The following EPDR1 variants were observed in gnomAD, a reference collection of about 807,000 sequenced individuals.
The protein encoded by EPDR1 is mammalian ependymin-related protein 1.
In EPDR1, 27 loss-of-function variants were observed where a neutral mutation model predicts 23.7. The ratio of observed to expected loss-of-function variants is 1.14; its 90% CI spans 0.84 to 1.57. The LOEUF is 1.57. Ranked by LOEUF, EPDR1 falls within the 40% of genes most tolerant of loss-of-function variation. The pLI, the probability that EPDR1 is intolerant of heterozygous loss-of-function variation, is 0.00. For synonymous variants in EPDR1, 137 were observed against 118.2 expected (o/e 1.16, Z -1.03); for missense variants, 349 against 290.4 (o/e 1.20, Z -1.47).
chr7:37,933,892 A>T lies in EPDR1; in HGVS notation c.269+12684A>T, dbSNP rs191484641. On this transcript the variant is annotated intron_variant, in intron 1 of 2. Coordinates refer to ENST00000199448, the MANE Select transcript of EPDR1 (RefSeq NM_017549.5). Reference sequence around the variant, plus strand: ...TAAGAATATTCGTTGTTTACTCCAGAATTCTTGGGATACATGTTCCTAGGT... The same window carrying T: ...TAAGAATATTCGTTGTTTACTCCAGTATTCTTGGGATACATGTTCCTAGGT... 5.3e-5 allele frequency among the ~76,000 whole-genome samples: 8 copies of T among 152,314 alleles called. No homozygotes were observed. In the South Asian group the frequency reaches 6.2e-4, roughly 12 times the overall value.
chr7:37,921,462 G>C, intron 1 of EPDR1: 11 of 1,376,992 alleles, frequency 8.0e-6, no homozygotes, highest in Non-Finnish European at 1.0e-5. Flanking sequence ...GTAAAGAAGG[G>C]ACCCATCCAG....
Position 37,921,089 on chromosome 7 carries a change from G to T in EPDR1, c.150G>T (p.Gly50=). 2 of 1,582,862 alleles carry T rather than the reference G, an allele frequency of 1.3e-6. No individual in the cohort carries two copies. The highest frequency in any genetic ancestry group is 8.5e-7 in the Non-Finnish European group (1 of 1,171,494). The change falls in exon 1 of 3, where the codon GGG becomes GGT. Residue 50 remains glycine, a synonymous_variant. Coordinates refer to ENST00000199448, the MANE Select transcript of EPDR1 (RefSeq NM_017549.5). ...RPCQAPQQWE[G]RQVMYQQSSG... ...GCCAGGCGCCGCAGCAGTGGGAGGG[G>T]CGCCAGGTTATGTACCAGCAAAGTA...
At chr7:37,929,616 G>A (rs781745499) in intron 1 of EPDR1, among the ~76,000 whole-genome samples, 81 of 151,962 alleles carry the variant, frequency 5.3e-4, no homozygotes, top group Non-Finnish European at 9.7e-4. Flanking sequence ...AAATTTCTTA[G>A]ACAATAAAAT....
intron 1 of EPDR1, among the ~76,000 whole-genome samples, chr7:37,939,412 C>G (rs886264746): frequency 1.3e-5 from 2 of 152,158 alleles, no homozygotes; most frequent in African/African-American, 4.8e-5. Flanking sequence ...TTCTTTCAAG[C>G]AATGTCACAT....
At chr7:37,937,077 A>G (rs1240329675) in intron 1 of EPDR1, among the ~76,000 whole-genome samples, 1 of 152,206 alleles carries the variant, frequency 6.6e-6, no homozygotes, top group Non-Finnish European at 1.5e-5. Context: ...TCAGTGGAAT[A>G]AAATAGAGTC....
intron 1 of EPDR1, among the ~76,000 whole-genome samples, chr7:37,931,784 C>G (rs1785945848): frequency 6.6e-6 from 1 of 152,070 alleles, no homozygotes; most frequent in Non-Finnish European, 1.5e-5. Flanking sequence ...CTGCAACCTC[C>G]ACCTCCTGGG....
chr7:37,940,105 T>C (rs1473603260), intron 1 of EPDR1, among the ~76,000 whole-genome samples: 1 of 151,982 alleles, frequency 6.6e-6, no homozygotes, highest in Non-Finnish European at 1.5e-5. Context: ...CATGAAAAAA[T>C]AGGGATAGTC....
At chr7:37,946,652 G>A (rs1413926130) in intron 1 of EPDR1, among the ~76,000 whole-genome samples, 1 of 152,340 alleles carries the variant, frequency 6.6e-6, no homozygotes, top group Non-Finnish European at 1.5e-5. Context: ...TATTATAGGA[G>A]GTGACAGCTC....
chr7:37,927,765 C>T (rs2598110), intron 1 of EPDR1, among the ~76,000 whole-genome samples: 152,345 of 152,350 alleles, frequency 1, 76,170 homozygotes, highest in Middle Eastern at 1. Flanking sequence ...TAAGAAATCA[C>T]GACTTTGTGA....
At chr7:37,947,894 C>T (rs2290223) in intron 1 of EPDR1, among the ~76,000 whole-genome samples, 19,990 of 152,176 alleles carry the variant, frequency 0.13, 1,365 homozygotes, top group African/African-American at 0.16. Flanking sequence ...CAGGTGGTCA[C>T]GGGAGGAGGC....
chr7:37,929,392 C>T (rs537876950), intron 1 of EPDR1, among the ~76,000 whole-genome samples: 19 of 152,262 alleles, frequency 1.2e-4, no homozygotes, highest in African/African-American at 4.3e-4. Context: ...GGGACCTAAA[C>T]GAATACTTGT....
intron 1 of EPDR1, among the ~76,000 whole-genome samples, chr7:37,933,431 T>G (rs1785983250): frequency 6.6e-6 from 1 of 152,242 alleles, no homozygotes; most frequent in South Asian, 2.1e-4. Context: ...ACATGGTGTT[T>G]AAGAGTTAGA....
chr7:37,921,142 C>T lies in EPDR1; in HGVS notation c.203C>T (p.Ser68Phe). ...SSGRNSRALL[S>F]YDGLNQRVRV... ...GGGCGCAACAGCCGCGCCCTGCTCT[C>T]CTACGACGGGCTCAACCAGCGCGTG... The change falls in exon 1 of 3, where the codon TCC becomes TTC. Residue 68 changes from serine to phenylalanine, a missense_variant. Physicochemically the swap from Ser to Phe is radical, Grantham distance 155. Coordinates refer to ENST00000199448, the MANE Select transcript of EPDR1 (RefSeq NM_017549.5). 1.3e-6 allele frequency: 2 copies of T among 1,596,704 alleles called. No individual in the cohort carries two copies. The highest frequency in any genetic ancestry group is 1.7e-6 in the Non-Finnish European group (2 of 1,179,010).
chr7:37,922,628 A>G (rs1315875929), intron 1 of EPDR1, among the ~76,000 whole-genome samples: 2 of 149,848 alleles, frequency 1.3e-5, no homozygotes, highest in Admixed American at 1.3e-4. Flanking sequence ...AGATTAAGCA[A>G]CTTTCTTAAG....
chr7:37,926,361 C>T (rs28457747), intron 1 of EPDR1, among the ~76,000 whole-genome samples: 21,799 of 151,834 alleles, frequency 0.14, 1,716 homozygotes, highest in Middle Eastern at 0.23. Flanking sequence ...AGGACATTCT[C>T]CTGCATAACC....
intron 1 of EPDR1, among the ~76,000 whole-genome samples, chr7:37,924,416 C>T (rs1785775663): frequency 6.6e-6 from 1 of 152,214 alleles, no homozygotes; most frequent in African/African-American, 2.4e-5. Context: ...TGTGCTGTTC[C>T]TGACCCCTTC....
chr7:37,941,842 G>C (rs916354335), intron 1 of EPDR1, among the ~76,000 whole-genome samples: 1 of 152,148 alleles, frequency 6.6e-6, no homozygotes, highest in African/African-American at 2.4e-5. Flanking sequence ...CTAAGATACA[G>C]TCCTATTGTG....
In EPDR1 at chr7:37,950,068, C is replaced by T. The variant is rs1786365932; in HGVS notation, c.479-132C>T. On this transcript the variant is annotated intron_variant, in intron 2 of 2. Transcript: ENST00000199448. ...CTGATGGTCAACAAATGTGAATGTA[C>T]TCAAGGCCACCAAACACTTAAAAAT... 7.8e-6 allele frequency: 5 copies of T among 637,750 alleles called. No individual in the cohort carries two copies. The South Asian group carries it at 1.0e-4, about 13-fold the overall frequency. The allele number at this position is 637,750 out of a possible 1,614,324, so 39.5% of individuals were successfully genotyped here. A position where few individuals can be genotyped will look rare whatever the true frequency, so the allele number is the denominator to read the frequency against.
chr7:37,937,637 G>A (rs549695408), intron 1 of EPDR1, among the ~76,000 whole-genome samples: 31 of 152,064 alleles, frequency 2.0e-4, no homozygotes, highest in African/African-American at 6.8e-4. Context: ...CTCTTTGAAA[G>A]GTTAGTGACT....
Sources: gnomAD v4.1 joint callset for allele counts (sites outside exome capture counted in the v4.1 genomes callset) on GRCh38, gnomAD v4.1.1 for gene constraint, MANE v1.5 for transcripts, NCBI Gene and HGNC (gene_info 2026-07-23, HGNC 2026-07-21) for gene names.